RANBP2: variants seen among roughly 807,000 people sequenced by gnomAD.
RANBP2 encodes the protein E3 SUMO-protein ligase RanBP2.
In RANBP2, 57 loss-of-function variants were observed where a neutral mutation model predicts 303.6. The ratio of observed to expected loss-of-function variants is 0.19; its 90% CI spans 0.15 to 0.23. The LOEUF (loss-of-function observed/expected upper bound fraction) is 0.23, where lower values mean the gene tolerates loss of function less well. Ranked by LOEUF, RANBP2 falls within the 10% of genes least tolerant of loss-of-function variation. The probability of loss-of-function intolerance (pLI) is 1.00; values close to 1 mark genes in which losing one functional copy is unlikely to be tolerated. For missense variants in RANBP2, 3,138 were observed against 3,780.8 expected (o/e 0.83, Z 4.46); for synonymous variants, 1,167 against 1,301.5 (o/e 0.90, Z 2.23).
the RANBP2 span, among the ~76,000 whole-genome samples, chr2:108,949,280 C>A: frequency 5.8e-4 from 89 of 152,158 alleles, 1 homozygote; most frequent in Non-Finnish European, 1.0e-3. Flanking sequence ...CCAAGCCTGG[C>A]TAACATAGGC....
the RANBP2 span, chr2:108,882,799 C>G: frequency 2.0e-5 from 3 of 152,122 alleles, no homozygotes; most frequent in Non-Finnish European, 4.4e-5. Flanking sequence ...GAGGTAAGCA[C>G]CTGAGAGTGT....
chr2:108,807,298 A>G, the RANBP2 span, among the ~76,000 whole-genome samples: 4 of 152,238 alleles, frequency 2.6e-5, no homozygotes, highest in Admixed American at 1.3e-4. Flanking sequence ...TAATAAGTCT[A>G]TGGAAAGGAA....
chr2:109,716,959 G>A, the RANBP2 span, among the ~76,000 whole-genome samples: 6 of 152,202 alleles, frequency 3.9e-5, no homozygotes, highest in African/African-American at 1.2e-4. Context: ...GCAACTTCTC[G>A]CAGGACTCAG....
At chr2:108,760,746 A>G (rs1469112715) in intron 18 of RANBP2, among the ~76,000 whole-genome samples, 1 of 152,008 alleles carries the variant, frequency 6.6e-6, no homozygotes, top group Non-Finnish European at 1.5e-5. Context: ...TCTTGGTAAA[A>G]CTCACACAAA....
the RANBP2 span, among the ~76,000 whole-genome samples, chr2:108,983,715 C>T: frequency 6.6e-6 from 1 of 152,196 alleles, no homozygotes; most frequent in South Asian, 2.1e-4. Context: ...CTGGTGGCTC[C>T]GTGCGGGACG....
At chr2:109,056,675 C>G in the RANBP2 span, among the ~76,000 whole-genome samples, 1 of 152,190 alleles carries the variant, frequency 6.6e-6, no homozygotes, top group Admixed American at 6.5e-5. Flanking sequence ...ATAATTGGTT[C>G]TTAGAAGTTG....
the RANBP2 span, among the ~76,000 whole-genome samples, chr2:108,880,384 C>T: frequency 2.6e-5 from 4 of 152,272 alleles, no homozygotes; most frequent in African/African-American, 9.6e-5. Flanking sequence ...TATTCAAAAT[C>T]CTAACAAGTT....
chr2:108,758,194 C>T (rs1431890171), intron 17 of RANBP2, among the ~76,000 whole-genome samples: 4 of 151,206 alleles, frequency 2.6e-5, no homozygotes, highest in South Asian at 2.1e-4. Context: ...CTACTCAGGG[C>T]GCTGAAGTGG....
the RANBP2 span, among the ~76,000 whole-genome samples, chr2:109,611,250 A>C: frequency 1.3e-5 from 2 of 152,222 alleles, no homozygotes; most frequent in African/African-American, 4.8e-5. Flanking sequence ...AAAATAAGAG[A>C]AAATCTTTGG....
At chr2:109,170,911 C>G in the RANBP2 span, among the ~76,000 whole-genome samples, 8 of 152,192 alleles carry the variant, frequency 5.3e-5, no homozygotes, top group Admixed American at 2.6e-4. Flanking sequence ...TAAATCACCT[C>G]ACTAAGCAGC....
the RANBP2 span, among the ~76,000 whole-genome samples, chr2:109,319,734 G>A: frequency 6.6e-6 from 1 of 152,224 alleles, no homozygotes; most frequent in African/African-American, 2.4e-5. Flanking sequence ...GGTGCAGCCT[G>A]CCTGCCCCCA....
the RANBP2 span, among the ~76,000 whole-genome samples, chr2:109,707,296 A>C: frequency 6.6e-6 from 1 of 152,274 alleles, no homozygotes; most frequent in African/African-American, 2.4e-5. Context: ...TGACAAAAAG[A>C]ACCCAACTGG....
chr2:109,661,555 G>A, the RANBP2 span, among the ~76,000 whole-genome samples: 1 of 152,026 alleles, frequency 6.6e-6, no homozygotes, highest in Non-Finnish European at 1.5e-5. Flanking sequence ...CAAGTAGAAG[G>A]TTCTATGGGC....
At chr2:109,565,911 G>C in the RANBP2 span, 9 of 1,426,570 alleles carry the variant, frequency 6.3e-6, no homozygotes, top group Non-Finnish European at 8.9e-6. Context: ...TAACTGACTA[G>C]ATAAAATAAA....
chr2:109,147,658 A>G, the RANBP2 span, among the ~76,000 whole-genome samples: 141 of 152,260 alleles, frequency 9.3e-4, no homozygotes, highest in Middle Eastern at 0.014. Flanking sequence ...TTATTTGTCA[A>G]TTGCCCATGA....
At chr2:108,980,877 C>T in the RANBP2 span, among the ~76,000 whole-genome samples, 21 of 152,128 alleles carry the variant, frequency 1.4e-4, no homozygotes, top group African/African-American at 5.1e-4. Flanking sequence ...CACCAACCCC[C>T]GTGTAGCTGC....
At chr2:109,598,021 C>T in the RANBP2 span, among the ~76,000 whole-genome samples, 1 of 152,266 alleles carries the variant, frequency 6.6e-6, no homozygotes, top group Non-Finnish European at 1.5e-5. Flanking sequence ...GACCAATGAG[C>T]CTCAGGAAAC....
At chr2:109,574,624 A>C in the RANBP2 span, 1 of 1,604,860 alleles carries the variant, frequency 6.2e-7, no homozygotes, top group Admixed American at 1.7e-5. Flanking sequence ...AAGTGTCTTC[A>C]GAGAGTGGCC....
At chr2:108,816,841 A>G in the RANBP2 span, among the ~76,000 whole-genome samples, 1 of 152,242 alleles carries the variant, frequency 6.6e-6, no homozygotes, top group Middle Eastern at 3.4e-3. Flanking sequence ...CTACAGGTAT[A>G]CACCACCTTG....
Sources: gnomAD v4.1 joint callset for allele counts (sites outside exome capture counted in the v4.1 genomes callset) on GRCh38, gnomAD v4.1.1 for gene constraint, MANE v1.5 for transcripts, NCBI Gene and HGNC (gene_info 2026-07-23, HGNC 2026-07-21) for gene names.